Variants in HEATR4 observed in about 807,000 individuals in gnomAD.
HEATR4 encodes the protein HEAT repeat containing 4, also known as HEAT repeat-containing protein 4.
HEATR4 carries 95 observed loss-of-function variants against 108.8 expected under a neutral mutation model. The ratio of observed to expected loss-of-function variants is 0.87; its 90% CI spans 0.74 to 1.04. HEATR4 has a LOEUF of 1.04. Ranked by LOEUF, HEATR4 falls within the 50% of genes least tolerant of loss-of-function variation. The probability of loss-of-function intolerance (pLI) is 0.00; values close to 1 mark genes in which losing one functional copy is unlikely to be tolerated. For synonymous variants in HEATR4, 443 were observed against 459.4 expected (o/e 0.96, Z 0.46); for missense variants, 1,152 against 1,253.8 (o/e 0.92, Z 1.23).
chr14:73,612,885 A>C, the HEATR4 span: 1 of 1,392,342 alleles, frequency 7.2e-7, no homozygotes, highest in Non-Finnish European at 9.6e-7. Flanking sequence ...TTCGCCGTGG[A>C]GCTGGAAGTG....
the HEATR4 span, chr14:73,567,613 T>C: frequency 2.0e-5 from 3 of 152,084 alleles, no homozygotes; most frequent in Non-Finnish European, 2.9e-5. Flanking sequence ...CCCCAGCTAG[T>C]AGTGGTAACC....
chr14:73,488,771 C>T (rs1185737972), intron 17 of HEATR4, among the ~76,000 whole-genome samples: 2 of 152,058 alleles, frequency 1.3e-5, no homozygotes, highest in Non-Finnish European at 2.9e-5. Context: ...GCCTGTAATC[C>T]CAGCACTTTG....
chr14:73,588,063 AC>A, the HEATR4 span, among the ~76,000 whole-genome samples: 13 of 150,766 alleles, frequency 8.6e-5, no homozygotes, highest in Non-Finnish European at 2.9e-5. Flanking sequence ...GTGCAATGGC[AC>A]AATCTCGGCT....
chr14:73,491,236 C>T (rs1472630880), intron 17 of HEATR4: 3 of 1,589,246 alleles, frequency 1.9e-6, no homozygotes, highest in Admixed American at 1.7e-5. Context: ...CGACGGCCGA[C>T]GACCTGGGGG....
chr14:73,577,809 T>C, the HEATR4 span, among the ~76,000 whole-genome samples: 1 of 151,296 alleles, frequency 6.6e-6, no homozygotes, highest in Non-Finnish European at 1.5e-5. Context: ...AGCCCAGGAG[T>C]TCAAGTCAGC....
chr14:73,604,465 C>G, the HEATR4 span, among the ~76,000 whole-genome samples: 10 of 151,432 alleles, frequency 6.6e-5, no homozygotes, highest in Non-Finnish European at 1.2e-4. Context: ...GCACCTGGCC[C>G]AGTTTCTTGT....
At chr14:73,619,746 C>T in the HEATR4 span, 2 of 1,613,968 alleles carry the variant, frequency 1.2e-6, no homozygotes, top group African/African-American at 1.3e-5. Context: ...CAAAGGCTCA[C>T]TCAAAGGCAC....
At chr14:73,629,648 AT>A in the HEATR4 span, among the ~76,000 whole-genome samples, 276 of 145,188 alleles carry the variant, frequency 1.9e-3, no homozygotes, top group East Asian at 0.016. Context: ...GAAAGTTTAG[AT>A]TTTTTTTTTT....
At chr14:73,551,186 T>A (rs1889316858) in intron 1 of HEATR4, among the ~76,000 whole-genome samples, 1 of 112,644 alleles carries the variant, frequency 8.9e-6, no homozygotes, top group Non-Finnish European at 1.9e-5. Flanking sequence ...AAGAATGCAG[T>A]TTCCACCTCC....
the HEATR4 span, among the ~76,000 whole-genome samples, chr14:73,626,441 G>T: frequency 6.6e-6 from 1 of 152,200 alleles, no homozygotes; most frequent in African/African-American, 2.4e-5. Context: ...TTCTATGAAG[G>T]CTGGGAGAAG....
At chr14:73,629,781 A>C in the HEATR4 span, among the ~76,000 whole-genome samples, 5 of 151,722 alleles carry the variant, frequency 3.3e-5, no homozygotes, top group African/African-American at 1.2e-4. Flanking sequence ...AGTAGCTGGG[A>C]CTACAGGCAC....
In HEATR4 at chr14:73,487,103, T is replaced by A. The variant is rs1256965666; in HGVS notation, c.2844+5963A>T. On this transcript the variant is annotated intron_variant, in intron 17 of 17. Coordinates refer to ENST00000553558, the MANE Select transcript of HEATR4 (RefSeq NM_001220484.1). Reference sequence around the variant, plus strand: ...TAACATGGTGAAACCCCGTCTGTACTAAAAATAATAATAATAATAATTAAA... The same window carrying A: ...TAACATGGTGAAACCCCGTCTGTACAAAAAATAATAATAATAATAATTAAA... Among the ~76,000 whole-genome samples, 4 of 142,846 alleles carry A rather than the reference T, an allele frequency of 2.8e-5. No individual in the cohort carries two copies. In the East Asian group the frequency reaches 9.9e-4, roughly 35 times the overall value. The allele number at this position is 142,846 out of a possible 152,430, so 93.7% of individuals were successfully genotyped here.
chr14:73,594,990 C>T, the HEATR4 span: 1 of 1,585,548 alleles, frequency 6.3e-7, no homozygotes, highest in East Asian at 2.2e-5. Flanking sequence ...CAGGCATGAG[C>T]CACCGCACCC....
At chr14:73,513,784 G>A (rs1887419741) in intron 6 of HEATR4, among the ~76,000 whole-genome samples, 1 of 144,266 alleles carries the variant, frequency 6.9e-6, no homozygotes, top group Non-Finnish European at 1.5e-5. Flanking sequence ...AGAGTCTGCA[G>A]TGTAATAATG....
intron 2 of HEATR4, 133 bp from the exon 3 acceptor site, chr14:73,523,357 A>T: frequency 1.8e-6 from 1 of 553,776 alleles, no homozygotes; most frequent in East Asian, 2.9e-5. Flanking sequence ...AGTTAGAAGA[A>T]CAAAAGAAGA....
At chr14:73,580,262 G>A in the HEATR4 span, among the ~76,000 whole-genome samples, 1 of 152,040 alleles carries the variant, frequency 6.6e-6, no homozygotes, top group South Asian at 2.1e-4. Flanking sequence ...CTGAGTAGCT[G>A]AGACTATAGG....
intron 1 of HEATR4, among the ~76,000 whole-genome samples, chr14:73,558,386 G>A (rs1219206980): frequency 7.8e-6 from 1 of 127,858 alleles, no homozygotes; most frequent in Non-Finnish European, 1.7e-5. Flanking sequence ...TTTTTTTTGA[G>A]ACAGGGTCTC....
intron 9 of HEATR4, 33 bp downstream of exon 9, chr14:73,508,100 CA>C (rs2140274142): frequency 1.2e-6 from 2 of 1,606,646 alleles, no homozygotes; most frequent in East Asian, 4.5e-5. Flanking sequence ...AATTGCTCCC[CA>C]AAACTGTGTC....
At chr14:73,491,062 G>A (rs753363122) in intron 17 of HEATR4, 2 of 1,593,374 alleles carry the variant, frequency 1.3e-6, no homozygotes, top group East Asian at 2.3e-5. Flanking sequence ...GGCGCGGGCG[G>A]CCGAAGCGCC....
Sources: allele counts gnomAD v4.1 joint callset (sites outside exome capture counted in the v4.1 genomes callset), GRCh38; gene constraint gnomAD v4.1.1; transcripts MANE v1.5; gene names NCBI Gene and HGNC (gene_info 2026-07-23, HGNC 2026-07-21).